Variants in GRK5 observed in about 807,000 individuals in gnomAD.
The protein encoded by GRK5 is g protein-coupled receptor kinase GRK5.
In GRK5, 40 loss-of-function variants were observed where a neutral mutation model predicts 78.4. That is an observed-to-expected ratio of 0.51 (90% CI 0.40 to 0.66). The LOEUF is 0.66. Ranked by LOEUF, GRK5 falls within the 30% of genes least tolerant of loss-of-function variation. GRK5 has a pLI of 0.00. For missense variants in GRK5, 598 were observed against 759.9 expected (o/e 0.79, Z 2.50); for synonymous variants, 289 against 296.8 (o/e 0.97, Z 0.27).
chr10:119,321,279 T>C (rs534852197), intron 1 of GRK5, among the ~76,000 whole-genome samples: 33 of 152,328 alleles, frequency 2.2e-4, no homozygotes, highest in Non-Finnish European at 4.4e-4. Flanking sequence ...AACATCCTCG[T>C]ATTAGCTTCC....
At chr10:119,343,120 A>G (rs530622983) in intron 2 of GRK5, among the ~76,000 whole-genome samples, 1 of 152,326 alleles carries the variant, frequency 6.6e-6, no homozygotes, top group East Asian at 1.9e-4. Context: ...CAGAAAGCCA[A>G]CACGTGACAC....
chr10:119,308,107 T>C (rs777633902), intron 1 of GRK5, among the ~76,000 whole-genome samples: 12 of 152,092 alleles, frequency 7.9e-5, no homozygotes, highest in Non-Finnish European at 1.8e-4. Flanking sequence ...AGTGCGCCTT[T>C]GTAGGCCGAA....
intron 3 of GRK5, among the ~76,000 whole-genome samples, chr10:119,393,999 CTG>C (rs1488778010): frequency 1.1e-5 from 1 of 92,576 alleles, no homozygotes; most frequent in Non-Finnish European, 2.3e-5. Context: ...GTGTGTGTGT[CTG>C]GGTCTGGGGG....
At chr10:119,348,350 G>A (rs1001440631) in intron 2 of GRK5, among the ~76,000 whole-genome samples, 7 of 152,224 alleles carry the variant, frequency 4.6e-5, no homozygotes, top group Non-Finnish European at 8.8e-5. Context: ...AATTGAACAT[G>A]TGCCTTTATT....
At position 119,207,806 on chromosome 10, in the gene GRK5, T is replaced by TC; in HGVS notation, c.-107dup. 9.8e-7 allele frequency: 1 copy of TC among 1,025,364 alleles called. No homozygotes were observed. Among genetic ancestry groups the TC allele is most frequent in the Non-Finnish European group, 1.4e-6 (1 of 712,812 alleles). The allele number at this position is 1,025,364 out of a possible 1,614,324, so 63.5% of individuals were successfully genotyped here. A position where few individuals can be genotyped will look rare whatever the true frequency, so the allele number is the denominator to read the frequency against. On this transcript the variant is annotated 5_prime_UTR_variant, in exon 1 of 16. Transcript: ENST00000392870. Reference sequence around the variant, plus strand: ...GCGGTAGGCAAGGCGGGCTGCTGGCTCCCCCGGCTCCGGCAGCAGCGGCGG... The same window carrying TC: ...GCGGTAGGCAAGGCGGGCTGCTGGCTCCCCCCGGCTCCGGCAGCAGCGGCGG...
At chr10:119,418,952 G>T (rs1299134889) in intron 4 of GRK5, among the ~76,000 whole-genome samples, 1 of 152,146 alleles carries the variant, frequency 6.6e-6, no homozygotes, top group African/African-American at 2.4e-5. Flanking sequence ...CATCTTTGAT[G>T]GGGGAAGCGT....
chr10:119,448,170 G>T lies in GRK5; in HGVS notation c.1314G>T (p.Gly438=), dbSNP rs1853193985. 1.9e-6 allele frequency: 3 copies of T among 1,579,242 alleles called. No homozygotes were observed. The highest frequency in any genetic ancestry group is 2.6e-6 in the Non-Finnish European group (3 of 1,166,714). The change falls in exon 13 of 16, where the codon GGG becomes GGT. Residue 438 remains glycine, a synonymous_variant. Transcript: ENST00000392870. ...AGAGGCTGGGCTGCCAGGAGGAGGG[G>T]GCTGCAGAGGTCAAGAGACACCCCT... ...AKQRLGCQEE[G]AAEVKRHPFF...
rs577443071 is a variant in GRK5 at position 119,428,239 on chromosome 10, C to T, written c.534-2136C>T. ...TGCCTAGACCCCAACTCCAGCCCACCGCTACCAGCTAGGGCCTCGGGCAAC... is the reference window on the plus strand; with the variant it reads ...TGCCTAGACCCCAACTCCAGCCCACTGCTACCAGCTAGGGCCTCGGGCAAC... On this transcript the variant is annotated intron_variant, in intron 6 of 15. Transcript: ENST00000392870. 5.9e-5 allele frequency among the ~76,000 whole-genome samples: 9 copies of T among 152,380 alleles called. No individual in the cohort carries two copies. The South Asian group carries it at 1.9e-3, about 32-fold the overall frequency.
intron 1 of GRK5, among the ~76,000 whole-genome samples, chr10:119,232,881 T>C (rs1384039749): frequency 6.6e-6 from 1 of 152,258 alleles, no homozygotes; most frequent in East Asian, 1.9e-4. Flanking sequence ...ACAGATATGC[T>C]AATTACCCTG....
intron 2 of GRK5, among the ~76,000 whole-genome samples, chr10:119,347,124 G>T (rs772143664): frequency 6.6e-6 from 1 of 152,146 alleles, no homozygotes; most frequent in Non-Finnish European, 1.5e-5. Context: ...GTTGCCTCTC[G>T]GCCTTCCACA....
intron 1 of GRK5, among the ~76,000 whole-genome samples, chr10:119,266,329 T>C (rs765001244): frequency 1.4e-4 from 22 of 152,048 alleles, no homozygotes; most frequent in Admixed American, 2.0e-4. Context: ...ATGGTGCTCA[T>C]GCTTGTAATC....
chr10:119,431,521 G>C lies in GRK5; in HGVS notation c.732G>C (p.Gln244His). The C allele has an allele frequency of 6.2e-7, 1 of 1,613,224 alleles. No homozygotes were observed. Among genetic ancestry groups the C allele is most frequent in the Non-Finnish European group, 8.5e-7 (1 of 1,179,536 alleles). ...EKQILEKVNS[Q>H]FVVNLAYAYE... is the part of the protein sequence containing the mutation. ...AGATCCTCGAGAAGGTCAACAGTCA[G>C]TTTGTGGTGAGTGAGCATCTGGGCC... The change falls in exon 8 of 16, where the codon CAG becomes CAC. Residue 244 changes from glutamine to histidine, a missense_variant. Transcript: ENST00000392870. This position sits in a 1 kb window ranked among gnomAD's most constrained non-coding sequence, Gnocchi z 4.8.
intron 1 of GRK5, among the ~76,000 whole-genome samples, chr10:119,209,011 A>G (rs1208873367): frequency 6.6e-6 from 1 of 152,058 alleles, no homozygotes; most frequent in African/African-American, 2.4e-5. Context: ...TATTTGATAC[A>G]AGGTAGAAGG....
intron 2 of GRK5, among the ~76,000 whole-genome samples, chr10:119,360,162 T>C (rs926744674): frequency 6.6e-6 from 1 of 151,090 alleles, no homozygotes; most frequent in African/African-American, 2.4e-5. Context: ...GTGAAGGAAG[T>C]TGAGGGAGGC....
intron 4 of GRK5, among the ~76,000 whole-genome samples, chr10:119,410,032 G>A (rs1013999790): frequency 2.0e-5 from 3 of 152,240 alleles, no homozygotes; most frequent in African/African-American, 7.2e-5. Flanking sequence ...CAGCTGCGCC[G>A]GGTCCCGCGA....
At chr10:119,318,287 T>C (rs1014982423) in intron 1 of GRK5, among the ~76,000 whole-genome samples, 2 of 152,356 alleles carry the variant, frequency 1.3e-5, no homozygotes, top group South Asian at 4.1e-4. Context: ...TTTCTGAATC[T>C]GTCAAACGGG....
intron 13 of GRK5, among the ~76,000 whole-genome samples, chr10:119,449,672 C>G (rs1004663175): frequency 6.6e-6 from 1 of 152,152 alleles, no homozygotes; most frequent in Non-Finnish European, 1.5e-5. Context: ...ACCTATAATC[C>G]CAGCTACCTG....
chr10:119,441,593 C>T (rs957050651), intron 10 of GRK5, among the ~76,000 whole-genome samples: 6 of 152,188 alleles, frequency 3.9e-5, no homozygotes, highest in South Asian at 4.1e-4. Flanking sequence ...CTTCCCAAAT[C>T]GTTTTATAAT....
chr10:119,425,783 G>A (rs1459453274), intron 6 of GRK5, among the ~76,000 whole-genome samples: 2 of 152,258 alleles, frequency 1.3e-5, no homozygotes, highest in African/African-American at 4.8e-5. Flanking sequence ...TGTGCTTGCT[G>A]TCTAATTCTC....
Sources: allele counts gnomAD v4.1 joint callset (sites outside exome capture counted in the v4.1 genomes callset), GRCh38; gene constraint gnomAD v4.1.1; non-coding constraint Gnocchi (gnomAD v3.1); transcripts MANE v1.5; gene names NCBI Gene and HGNC (gene_info 2026-07-23, HGNC 2026-07-21).